Variants in CBX3 observed in about 807,000 individuals in gnomAD.
The protein encoded by CBX3 is chromobox 3, also known as chromobox protein homolog 3.
In CBX3, 5 loss-of-function variants were observed where a neutral mutation model predicts 22.6. The ratio of observed to expected loss-of-function variants is 0.22; its 90% CI spans 0.12 to 0.47. CBX3 has a LOEUF of 0.47. CBX3 is among the 20% of genes least tolerant of loss of function. CBX3 has a pLI of 0.99. For missense variants in CBX3, 83 were observed against 208.1 expected, an observed-to-expected ratio of 0.40 and a Z score of 3.70; for synonymous variants, 50 against 66.6, an observed-to-expected ratio of 0.75 and a Z score of 1.21.
At chr7:26,211,522 A>T in intron 4 of CBX3, 140 bp from the exon 5 acceptor site, 1 of 498,342 alleles carries the variant, frequency 2.0e-6, no homozygotes. Flanking sequence ...GTTAATGGAA[A>T]TCAGATGTTT....
At chr7:26,205,775 T>C (rs569495722) in intron 2 of CBX3, among the ~76,000 whole-genome samples, 165 of 152,298 alleles carry the variant, frequency 1.1e-3, no homozygotes, top group Non-Finnish European at 5.3e-4. Flanking sequence ...TGAGTGAAAA[T>C]TAGTAAACTT....
chr7:26,211,972 C>T (rs1784810014), intron 5 of CBX3, 110 bp from the exon 6 acceptor site: 1 of 1,021,122 alleles, frequency 9.8e-7, no homozygotes. Context: ...CATAACTCTC[C>T]TGGAGCACTT....
At chr7:26,208,626 G>GTTTGTTTT in intron 4 of CBX3, 71 bp downstream of exon 4, 2 of 1,450,714 alleles carry the variant, frequency 1.4e-6, no homozygotes, top group South Asian at 2.5e-5. Context: ...TTTTTTGTTT[G>GTTTGTTTT]TTTGTTTTTT....
chr7:26,204,477 TCATAAC>T (rs1784630492), intron 2 of CBX3, among the ~76,000 whole-genome samples: 1 of 152,198 alleles, frequency 6.6e-6, no homozygotes. Context: ...CTAATGAGAA[TCATAAC>T]ACCTGACTTA....
intron 3 of CBX3, among the ~76,000 whole-genome samples, chr7:26,206,874 A>G (rs143791073): frequency 1.2e-3 from 178 of 152,344 alleles, no homozygotes; most frequent in African/African-American, 4.2e-3. Context: ...AATATAGACT[A>G]GTGGGTCTCA....
rs879214653 is a variant in CBX3 at position 26,212,582 on chromosome 7, T to TTTTGTGTG, written c.*375_*376insTTGTGTGT. The TTTTGTGTG allele has an allele frequency of 8.2e-5, 9 of 109,150 alleles. No homozygotes were observed. The highest frequency in any genetic ancestry group is 3.1e-4 in the African/African-American group (9 of 29,206). 6.8% of individuals were successfully genotyped at this position (109,150 alleles called of 1,614,324 possible). A position where few individuals can be genotyped will look rare whatever the true frequency, so the allele number is the denominator to read the frequency against. Reference sequence around the variant, plus strand: ...CCATTCTAGATTTATTACGTGTTTTTTGTGTGTGTGTGTGTGTGTGTGTGT... The same window carrying TTTTGTGTG: ...CCATTCTAGATTTATTACGTGTTTTTTTTGTGTGTGTGTGTGTGTGTGTGTGTGTGTGT... On this transcript the variant is annotated 3_prime_UTR_variant, in exon 6 of 6. Coordinates refer to ENST00000396386, the MANE Select transcript of CBX3 (RefSeq NM_016587.4).
chr7:26,208,676 A>AATGGC, intron 4 of CBX3, 121 bp downstream of exon 4: 2 of 880,404 alleles, frequency 2.3e-6, no homozygotes, highest in South Asian at 3.5e-5. Context: ...GCTGGAGTGC[A>AATGGC]ATGGCATGAT....
At position 26,203,130 on chromosome 7, in the gene CBX3, C is replaced by T; in HGVS notation, c.24+108C>T. ...GAGAAATTTACATCCACATATTTCCCAGCTCTCCCAGTGTAAATTACAGGG... is the reference window on the plus strand; with the variant it reads ...GAGAAATTTACATCCACATATTTCCTAGCTCTCCCAGTGTAAATTACAGGG... On this transcript the variant is annotated intron_variant, in intron 2 of 5. Coordinates refer to ENST00000396386, the MANE Select transcript of CBX3 (RefSeq NM_016587.4). The T allele has an allele frequency of 5.8e-6, 4 of 689,190 alleles. No individual in the cohort carries two copies. The East Asian group carries it at 1.4e-4, about 24-fold the overall frequency. The allele number at this position is 689,190 out of a possible 1,614,324, so 42.7% of individuals were successfully genotyped here. A position where few individuals can be genotyped will look rare whatever the true frequency, so the allele number is the denominator to read the frequency against.
At position 26,211,773 on chromosome 7, in the gene CBX3, T is replaced by A. The variant is rs905899027; in HGVS notation, c.425+17T>A. 6.5e-6 allele frequency: 10 copies of A among 1,529,426 alleles called. No individual in the cohort carries two copies. Among genetic ancestry groups the A allele is most frequent in the Non-Finnish European group, 8.9e-6 (10 of 1,127,110 alleles). 94.7% of individuals were successfully genotyped at this position (1,529,426 alleles called of 1,614,324 possible). A position where few individuals can be genotyped will look rare whatever the true frequency, so the allele number is the denominator to read the frequency against. ...CATGAAATGGTGAGTATGCAGAGAT[T>A]GTTACATTTGAAAGTAAGAGTAGCT... On this transcript the variant is annotated intron_variant, in intron 5 of 5. Coordinates refer to ENST00000396386, the MANE Select transcript of CBX3 (RefSeq NM_016587.4).
intron 2 of CBX3, among the ~76,000 whole-genome samples, chr7:26,203,513 T>C (rs1230718316): frequency 6.6e-6 from 1 of 152,222 alleles, no homozygotes; most frequent in Non-Finnish European, 1.5e-5. Flanking sequence ...CTCTAAAACA[T>C]AGAAGAATAT....
Position 26,202,843 on chromosome 7 carries a change from A to G in CBX3, c.-28-128A>G, listed in dbSNP as rs1256231388. On this transcript the variant is annotated intron_variant, in intron 1 of 5. Transcript: ENST00000396386. Reference sequence around the variant, plus strand: ...GCAATGTAGGTAGGAGCGCAGATCTACTCTGGATTTGTATTCACGTTTGAA... The same window carrying G: ...GCAATGTAGGTAGGAGCGCAGATCTGCTCTGGATTTGTATTCACGTTTGAA... The G allele has an allele frequency of 9.8e-6, 7 of 717,838 alleles. No homozygotes were observed. In the East Asian group the frequency reaches 1.5e-4, roughly 15 times the overall value. The allele number at this position is 717,838 out of a possible 1,614,324, so 44.5% of individuals were successfully genotyped here.
At chr7:26,204,058 T>TA (rs767640857) in intron 2 of CBX3, among the ~76,000 whole-genome samples, 1 of 152,234 alleles carries the variant, frequency 6.6e-6, no homozygotes, top group Non-Finnish European at 1.5e-5. Context: ...TGTTGTGAGA[T>TA]ATGTGTGCTG....
chr7:26,206,632 T>A, intron 3 of CBX3, 122 bp downstream of exon 3: 1 of 891,756 alleles, frequency 1.1e-6, no homozygotes, highest in Non-Finnish European at 1.8e-6. Flanking sequence ...AAAGACACTT[T>A]GAATTTTAGG....
intron 3 of CBX3, 69 bp downstream of exon 3, chr7:26,206,579 A>G: frequency 3.4e-6 from 5 of 1,453,334 alleles, no homozygotes; most frequent in Non-Finnish European, 4.8e-6. Flanking sequence ...TTTGTTTTTA[A>G]CCTGGCTCTT....
In CBX3 at chr7:26,212,987, C is replaced by G. The variant is rs1331136833; in HGVS notation, c.*779C>G. 1.3e-5 allele frequency: 2 copies of G among 152,284 alleles called. No individual in the cohort carries two copies. Among genetic ancestry groups the G allele is most frequent in the South Asian group, 4.1e-4 (2 of 4,838 alleles). 9.4% of individuals were successfully genotyped at this position (152,284 alleles called of 1,614,324 possible). A position where few individuals can be genotyped will look rare whatever the true frequency, so the allele number is the denominator to read the frequency against. ...GTTAAATGAACATTTAAAAGTTTCC[C>G]TAGCGGGCCATTCCTTAGCAAAATG... is the stretch of plus-strand genomic sequence containing the variant. On this transcript the variant is annotated 3_prime_UTR_variant, in exon 6 of 6. Coordinates refer to ENST00000396386, the MANE Select transcript of CBX3 (RefSeq NM_016587.4).
chr7:26,202,132 C>G (rs1234986696), intron 1 of CBX3: 1 of 152,080 alleles, frequency 6.6e-6, no homozygotes, highest in Non-Finnish European at 1.5e-5. Context: ...CCGGCGGAGG[C>G]GCCCCCTCCC....
chr7:26,206,519 C>G lies in CBX3; in HGVS notation c.167+9C>G, dbSNP rs1350519571. The stretch of plus-strand genomic sequence containing the variant: ...TGGAAGGGATTTACAGAGTAAGAAA[C>G]TTTAGTGCATCTTTACTATATGTTT... On this transcript the variant is annotated intron_variant, in intron 3 of 5. Coordinates refer to ENST00000396386, the MANE Select transcript of CBX3 (RefSeq NM_016587.4). 5 of 1,540,316 alleles carry G rather than the reference C, an allele frequency of 3.2e-6. No homozygotes were observed. Among genetic ancestry groups the G allele is most frequent in the East Asian group, 2.5e-5 (1 of 39,356 alleles).
At chr7:26,208,183 C>T (rs1214796404) in intron 3 of CBX3, 4 of 384,502 alleles carry the variant, frequency 1.0e-5, no homozygotes, top group African/African-American at 5.9e-5. Flanking sequence ...GATTCCACTA[C>T]TGCACTCTCG....
At position 26,212,236 on chromosome 7, in the gene CBX3, T is replaced by TCA. The variant is rs1784816549; in HGVS notation, c.*28_*29insCA. On this transcript the variant is annotated 3_prime_UTR_variant, in exon 6 of 6. Transcript: ENST00000396386. ...GTTCACATTGTTCTTTTATATATAT[T>TCA]TATATATATATATAAAAATTGGGTC... 9.1e-7 allele frequency: 1 copy of TCA among 1,098,788 alleles called. No individual in the cohort carries two copies. The highest frequency in any genetic ancestry group is 1.2e-6 in the Non-Finnish European group (1 of 861,042). 68.1% of individuals were successfully genotyped at this position (1,098,788 alleles called of 1,614,324 possible).
Sources: gnomAD v4.1 joint callset for allele counts (sites outside exome capture counted in the v4.1 genomes callset) on GRCh38, gnomAD v4.1.1 for gene constraint, MANE v1.5 for transcripts, NCBI Gene and HGNC (gene_info 2026-07-23, HGNC 2026-07-21) for gene names.